COLEC10: variants seen among roughly 807,000 people sequenced by gnomAD.
COLEC10 encodes the protein collectin-10.
In COLEC10, 22 loss-of-function variants were observed where a neutral mutation model predicts 28.4. The ratio of observed to expected loss-of-function variants is 0.78; its 90% CI spans 0.55 to 1.11. The LOEUF (loss-of-function observed/expected upper bound fraction) is 1.11, where lower values mean the gene tolerates loss of function less well. Ranked by LOEUF, COLEC10 falls within the 50% of genes least tolerant of loss-of-function variation. The probability of loss-of-function intolerance (pLI) is 0.00; values close to 1 mark genes in which losing one functional copy is unlikely to be tolerated. For missense variants in COLEC10, 361 were observed against 344.1 expected, an observed-to-expected ratio of 1.05 and a Z score of -0.39; for synonymous variants, 125 against 116.1, an observed-to-expected ratio of 1.08 and a Z score of -0.49.
At chr8:118,974,132 A>G in the COLEC10 span, among the ~76,000 whole-genome samples, 6 of 151,898 alleles carry the variant, frequency 4.0e-5, no homozygotes, top group Non-Finnish European at 8.8e-5. Context: ...CTATAACAGC[A>G]ATTCCTTCCT....
At chr8:119,041,050 G>A (rs1165909963) in intron 2 of COLEC10, among the ~76,000 whole-genome samples, 2 of 152,114 alleles carry the variant, frequency 1.3e-5, no homozygotes, top group Non-Finnish European at 2.9e-5. Flanking sequence ...TAGTGTGCCT[G>A]GACATAACTT....
At chr8:119,055,454 T>A (rs994961132) in intron 2 of COLEC10, among the ~76,000 whole-genome samples, 10 of 152,000 alleles carry the variant, frequency 6.6e-5, no homozygotes, top group Non-Finnish European at 1.5e-5. Flanking sequence ...TTAGCATGGG[T>A]CACAGTCTCC....
chr8:118,954,947 G>A, the COLEC10 span, among the ~76,000 whole-genome samples: 1 of 152,184 alleles, frequency 6.6e-6, no homozygotes, highest in Non-Finnish European at 1.5e-5. Flanking sequence ...TGGGAGACAA[G>A]GCATGCAGCT....
At chr8:119,056,355 T>A (rs926285343) in intron 2 of COLEC10, among the ~76,000 whole-genome samples, 3 of 152,064 alleles carry the variant, frequency 2.0e-5, no homozygotes, top group African/African-American at 4.8e-5. Flanking sequence ...GACAACGAGA[T>A]GAAAGTGGAT....
the COLEC10 span, among the ~76,000 whole-genome samples, chr8:118,954,532 A>G: frequency 6.6e-6 from 1 of 152,372 alleles, no homozygotes; most frequent in South Asian, 2.1e-4. Context: ...GACTACATTC[A>G]TCTTCCTGTG....
intron 3 of COLEC10, among the ~76,000 whole-genome samples, chr8:119,098,495 C>T (rs1815763885): frequency 6.6e-6 from 1 of 152,010 alleles, no homozygotes; most frequent in East Asian, 1.9e-4. Flanking sequence ...TCTGTTTCCC[C>T]TCATAGACCT....
chr8:118,996,309 C>T (rs1231716542), intron 1 of COLEC10, among the ~76,000 whole-genome samples: 1 of 152,084 alleles, frequency 6.6e-6, no homozygotes, highest in Non-Finnish European at 1.5e-5. Flanking sequence ...GTAAATAATG[C>T]TACAATAAAC....
chr8:119,091,595 G>GAA (rs1554629267), intron 3 of COLEC10, among the ~76,000 whole-genome samples: 45 of 138,574 alleles, frequency 3.2e-4, no homozygotes, highest in Middle Eastern at 3.5e-3. Flanking sequence ...GAGAGAGAGA[G>GAA]AGAAAGAAAG....
chr8:119,001,373 A>G (rs1813697358), intron 1 of COLEC10, among the ~76,000 whole-genome samples: 1 of 152,144 alleles, frequency 6.6e-6, no homozygotes, highest in African/African-American at 2.4e-5. Flanking sequence ...CCCAATAGTG[A>G]CATTATATAA....
chr8:119,084,138 G>C (rs931689715), intron 1 of COLEC10, among the ~76,000 whole-genome samples: 1 of 152,106 alleles, frequency 6.6e-6, no homozygotes, highest in Non-Finnish European at 1.5e-5. Flanking sequence ...AAGTAGTATG[G>C]GTCTCAGAGT....
chr8:118,986,608 C>T, the COLEC10 span, among the ~76,000 whole-genome samples: 1 of 152,120 alleles, frequency 6.6e-6, no homozygotes, highest in Non-Finnish European at 1.5e-5. Context: ...AGAAGACCCA[C>T]ATCTAAGCCA....
intron 1 of COLEC10, among the ~76,000 whole-genome samples, chr8:119,077,243 A>ATTTTTTTTTTTTTT (rs762180766): frequency 5.5e-5 from 5 of 90,290 alleles, no homozygotes; most frequent in Admixed American, 1.3e-4. Flanking sequence ...GTAGAGAATG[A>ATTTTTTTTTTTTTT]TTTTTTTTTT....
At chr8:118,972,502 T>C in the COLEC10 span, among the ~76,000 whole-genome samples, 56 of 152,064 alleles carry the variant, frequency 3.7e-4, no homozygotes, top group Non-Finnish European at 5.3e-4. Context: ...GAATGCCTGA[T>C]AGGAGTCTCA....
intron 2 of COLEC10, among the ~76,000 whole-genome samples, chr8:119,056,228 T>C (rs1008728703): frequency 6.6e-6 from 1 of 152,058 alleles, no homozygotes; most frequent in African/African-American, 2.4e-5. Flanking sequence ...CCTTAAAAAG[T>C]CAAGCACTAC....
In COLEC10 at chr8:119,056,847, A is replaced by G. The variant is rs183424131; in HGVS notation, n.236-32833A>G. Among the ~76,000 whole-genome samples, 335 of 152,168 alleles carry G rather than the reference A, an allele frequency of 2.2e-3. 1 individual carries two copies. Among genetic ancestry groups the G allele is most frequent in the African/African-American group, 7.9e-3 (328 of 41,556 alleles). On this transcript the variant is annotated intron_variant and non_coding_transcript_variant, in intron 2 of 6. Coordinates refer to the COLEC10 transcript ENST00000521788. ...CTCAGCAGCATGTATAATGCCCTTC[A>G]GGATCTAGTCCTTAACTCTAGGTTA... is the stretch of plus-strand genomic sequence containing the variant.
At chr8:118,966,312 AT>A in the COLEC10 span, among the ~76,000 whole-genome samples, 32 of 152,268 alleles carry the variant, frequency 2.1e-4, no homozygotes, top group Admixed American at 1.9e-3. Context: ...AGACATTAAC[AT>A]TTTTTGGAAA....
At chr8:119,053,683 A>AAG (rs1814714477) in intron 2 of COLEC10, among the ~76,000 whole-genome samples, 1 of 94,802 alleles carries the variant, frequency 1.1e-5, no homozygotes, top group African/African-American at 6.7e-5. Context: ...TTAAAAAAAA[A>AAG]GGTGGGGGGG....
At chr8:118,996,636 G>A (rs1813595055) in intron 1 of COLEC10, among the ~76,000 whole-genome samples, 2 of 152,098 alleles carry the variant, frequency 1.3e-5, no homozygotes, top group South Asian at 4.1e-4. Flanking sequence ...TCATATACCT[G>A]TTGGCCATCT....
intron 1 of COLEC10, among the ~76,000 whole-genome samples, chr8:119,077,264 T>TTTTTTTTTC (rs1815261148): frequency 1.4e-5 from 2 of 147,134 alleles, no homozygotes; most frequent in African/African-American, 2.6e-5. Context: ...TTTTTTTTTT[T>TTTTTTTTTC]TTTGCCTCTC....
Sources: allele counts gnomAD v4.1 joint callset (sites outside exome capture counted in the v4.1 genomes callset), GRCh38; gene constraint gnomAD v4.1.1; transcripts MANE v1.5; gene names NCBI Gene and HGNC (gene_info 2026-07-23, HGNC 2026-07-21).